Variants in VDR observed in about 807,000 individuals in gnomAD.
VDR encodes the protein vitamin D receptor.
A neutral mutation model predicts 39.7 loss-of-function variants in VDR; 19 were observed. The observed-to-expected ratio is 0.48, with a 90% CI of 0.33 to 0.70. The LOEUF (loss-of-function observed/expected upper bound fraction) is 0.70. Ranked by LOEUF, VDR falls within the 30% of genes least tolerant of loss-of-function variation. The pLI, the probability that VDR is intolerant of heterozygous loss-of-function variation, is 0.02. For missense variants in VDR, 442 were observed against 570.5 expected (o/e 0.77, Z 2.29); for synonymous variants, 242 against 215.8 (o/e 1.12, Z -1.07).
chr12:47,861,416 T>C (rs1437607459), intron 4 of VDR, among the ~76,000 whole-genome samples: 2 of 152,250 alleles, frequency 1.3e-5, no homozygotes, highest in East Asian at 1.9e-4. Context: ...GCCCAATCCA[T>C]GAGCCTTCTG....
At position 47,844,263 on chromosome 12, in the gene VDR, G is replaced by C. The variant is rs1945228282; in HGVS notation, c.*483C>G. 4.4e-6 allele frequency: 1 copy of C among 227,240 alleles called. No homozygotes were observed. The highest frequency in any genetic ancestry group is 7.2e-5 in the South Asian group (1 of 13,876). 14.1% of individuals were successfully genotyped at this position (227,240 alleles called of 1,614,324 possible). ...AATGGGATGTTGGTGGGCACTGAAG[G>C]GGGTGGGGTGGGAGCTGTGGGCCGA... is the stretch of plus-strand genomic sequence containing the variant. On this transcript the variant is annotated 3_prime_UTR_variant, in exon 10 of 10. Transcript: ENST00000549336.
chr12:47,846,861 A>G, intron 7 of VDR, 53 bp from the exon 8 acceptor site: 1 of 1,606,892 alleles, frequency 6.2e-7, no homozygotes, highest in Non-Finnish European at 8.5e-7. Flanking sequence ...CCTTCAAGCC[A>G]CACAAATCAG....
chr12:47,846,900 T>G, intron 7 of VDR, 92 bp from the exon 8 acceptor site: 1 of 1,484,038 alleles, frequency 6.7e-7, no homozygotes, highest in Non-Finnish European at 9.4e-7. Context: ...ATACACCTGC[T>G]GGGCACCAAC....
chr12:47,848,984 G>A (rs1341466842), intron 7 of VDR, among the ~76,000 whole-genome samples: 5 of 152,300 alleles, frequency 3.3e-5, no homozygotes, highest in South Asian at 4.1e-4. Context: ...ATAGAGATGC[G>A]TTGATGATTT....
chr12:47,865,196 C>T lies in VDR; in HGVS notation c.147-19G>A, dbSNP rs370679152. On this transcript the variant is annotated intron_variant, in intron 3 of 9. Coordinates refer to ENST00000549336, the MANE Select transcript of VDR (RefSeq NM_000376.3). Reference sequence around the variant, plus strand: ...GCTTCGCCTGCCGAGAGAGCACACACCCTGCCCTGGGTCACTGAACTTCCG... The same window carrying T: ...GCTTCGCCTGCCGAGAGAGCACACATCCTGCCCTGGGTCACTGAACTTCCG... The T allele has an allele frequency of 1.2e-6, 2 of 1,609,544 alleles. No individual in the cohort carries two copies. Among genetic ancestry groups the T allele is most frequent in the South Asian group, 1.1e-5 (1 of 91,054 alleles).
intron 5 of VDR, 82 bp downstream of exon 5, chr12:47,857,422 C>T: frequency 6.2e-7 from 1 of 1,607,728 alleles, no homozygotes; most frequent in Non-Finnish European, 8.5e-7. Flanking sequence ...ATGTCCCCTG[C>T]CCTCTGTCCC....
At chr12:47,858,100 A>C (rs1945532681) in intron 4 of VDR, among the ~76,000 whole-genome samples, 1 of 151,978 alleles carries the variant, frequency 6.6e-6, no homozygotes, top group Non-Finnish European at 1.5e-5. Context: ...GTGTGTGTTG[A>C]CATGCAGGTG....
At chr12:47,900,282 G>C (rs146789693) in intron 1 of VDR, among the ~76,000 whole-genome samples, 2 of 152,160 alleles carry the variant, frequency 1.3e-5, no homozygotes. Flanking sequence ...GTCCAAGCCT[G>C]TTCTCAGGTC....
In VDR at chr12:47,887,276, C is replaced by T. The variant is rs138337034; in HGVS notation, c.-83-4502G>A. On this transcript the variant is annotated intron_variant, in intron 1 of 9. Coordinates refer to ENST00000549336, the MANE Select transcript of VDR (RefSeq NM_000376.3). ...GGCAGAGGTTGCAGTGAGCAGAGAT[C>T]GCACCGTTGTACTCCAGCCTGGGCG... 9.6e-3 allele frequency among the ~76,000 whole-genome samples: 1,347 copies of T among 140,688 alleles called. 10 individuals are homozygous for T. Among genetic ancestry groups the T allele is most frequent in the Non-Finnish European group, 0.015 (981 of 66,586 alleles). The allele number at this position is 140,688 out of a possible 152,430, so 92.3% of individuals were successfully genotyped here.
chr12:47,846,512 A>G, intron 8 of VDR, 61 bp from the exon 9 acceptor site: 1 of 1,545,888 alleles, frequency 6.5e-7, no homozygotes, highest in African/African-American at 1.4e-5. Context: ...CCCACCTCCA[A>G]CCCCATGGGT....
intron 1 of VDR, among the ~76,000 whole-genome samples, chr12:47,904,016 G>T (rs1946617288): frequency 6.6e-6 from 1 of 151,970 alleles, no homozygotes; most frequent in Admixed American, 6.6e-5. Flanking sequence ...CCAACTGCTT[G>T]CCTGGGCTCT....
intron 1 of VDR, among the ~76,000 whole-genome samples, chr12:47,887,831 C>T (rs1217582427): frequency 6.6e-6 from 1 of 152,198 alleles, no homozygotes; most frequent in African/African-American, 2.4e-5. Flanking sequence ...ACTGACTGAA[C>T]GATGGGAAAT....
chr12:47,845,919 A>G (rs1323833325), intron 9 of VDR, among the ~76,000 whole-genome samples: 1 of 152,248 alleles, frequency 6.6e-6, no homozygotes, highest in Non-Finnish European at 1.5e-5. Flanking sequence ...TGCCTCCAAA[A>G]TCAATCAGGT....
intron 4 of VDR, among the ~76,000 whole-genome samples, chr12:47,864,058 C>T (rs1052307578): frequency 5.9e-5 from 9 of 152,210 alleles, no homozygotes; most frequent in Non-Finnish European, 1.0e-4. Context: ...ACTCCGACTC[C>T]GATTCCTCAG....
At chr12:47,851,504 G>T (rs1460434587) in intron 7 of VDR, among the ~76,000 whole-genome samples, 1 of 152,146 alleles carries the variant, frequency 6.6e-6, no homozygotes, top group Non-Finnish European at 1.5e-5. Context: ...GTCTCATCCT[G>T]CCTTCCCCAC....
intron 6 of VDR, among the ~76,000 whole-genome samples, 172 bp from the exon 7 acceptor site, chr12:47,855,973 C>A (rs1265642799): frequency 6.6e-6 from 1 of 152,208 alleles, no homozygotes; most frequent in Admixed American, 6.5e-5. Context: ...ACTCTCTCTG[C>A]CTCTTTCAGC....
At chr12:47,896,325 T>C (rs949887076) in intron 1 of VDR, among the ~76,000 whole-genome samples, 1 of 152,218 alleles carries the variant, frequency 6.6e-6, no homozygotes, top group African/African-American at 2.4e-5. Flanking sequence ...CAATTGCCCT[T>C]CAACCCTCCT....
At chr12:47,898,707 G>C (rs1422614091) in intron 1 of VDR, 1 of 155,338 alleles carries the variant, frequency 6.4e-6, no homozygotes, top group East Asian at 1.9e-4. Flanking sequence ...AACTGCAGTG[G>C]TGTGCATCGA....
rs1945234000 is a variant in VDR, at chr12:47,844,498, C to T, written c.*248G>A. On this transcript the variant is annotated 3_prime_UTR_variant, in exon 10 of 10. Coordinates refer to ENST00000549336, the MANE Select transcript of VDR (RefSeq NM_000376.3). ...CTCCAGCCTCTGCCCTCTGCCCCCACTTGGGTTTCTTTGTCAAACAAACAG... is the reference window on the plus strand; with the variant it reads ...CTCCAGCCTCTGCCCTCTGCCCCCATTTGGGTTTCTTTGTCAAACAAACAG... 1.7e-6 allele frequency: 1 copy of T among 604,612 alleles called. No individual in the cohort carries two copies. Among genetic ancestry groups the T allele is most frequent in the African/African-American group, 1.9e-5 (1 of 53,938 alleles). The allele number at this position is 604,612 out of a possible 1,614,324, so 37.5% of individuals were successfully genotyped here.
Sources: gnomAD v4.1 joint callset for allele counts (sites outside exome capture counted in the v4.1 genomes callset) on GRCh38, gnomAD v4.1.1 for gene constraint, MANE v1.5 for transcripts, NCBI Gene and HGNC (gene_info 2026-07-23, HGNC 2026-07-21) for gene names.